The following REL variants were observed in gnomAD, a reference collection of about 807,000 sequenced individuals.
The protein encoded by REL is REL proto-oncogene, NF-kB subunit, also known as proto-oncogene c-Rel.
In REL, 15 loss-of-function variants were observed where a neutral mutation model predicts 45.9. The observed-to-expected ratio is 0.33, with a 90% CI of 0.22 to 0.50. REL has a LOEUF of 0.50. REL is among the 20% of genes least tolerant of loss of function. REL has a pLI of 0.98. For synonymous variants in REL, 239 were observed against 242.1 expected (o/e 0.99, Z 0.12); for missense variants, 601 against 715.2 (o/e 0.84, Z 1.82).
At position 60,924,750 on chromosome 2, in the gene REL, T is replaced by C. The variant is rs1674229413; in HGVS notation, c.*2215T>C. ...ACATTTCCTTTTCAAAGTGCAAGATTTTTAAAAGAGACTTGTCACATATTC... is the reference window on the plus strand; with the variant it reads ...ACATTTCCTTTTCAAAGTGCAAGATCTTTAAAAGAGACTTGTCACATATTC... On this transcript the variant is annotated 3_prime_UTR_variant, in exon 10 of 10. Transcript: ENST00000394479. 4.8e-6 allele frequency: 1 copy of C among 209,078 alleles called. No individual in the cohort carries two copies. Among genetic ancestry groups the C allele is most frequent in the Non-Finnish European group, 9.8e-6 (1 of 102,538 alleles). The allele number at this position is 209,078 out of a possible 1,614,324, so 13.0% of individuals were successfully genotyped here.
intron 7 of REL, 143 bp from the exon 8 acceptor site, chr2:60,919,898 A>G (rs1177449684): frequency 3.6e-6 from 2 of 555,198 alleles, no homozygotes; most frequent in South Asian, 5.5e-5. Flanking sequence ...GATTTGGGAC[A>G]TATTCTATAA....
At chr2:60,920,145 G>C (rs1407992916) in intron 8 of REL, 36 bp downstream of exon 8, 2 of 1,404,500 alleles carry the variant, frequency 1.4e-6, no homozygotes, top group South Asian at 2.5e-5. Flanking sequence ...ATTTAAATAG[G>C]TTTTGTTTTA....
chr2:60,907,583 C>G (rs1673696097), intron 4 of REL, among the ~76,000 whole-genome samples: 1 of 151,986 alleles, frequency 6.6e-6, no homozygotes, highest in Non-Finnish European at 1.5e-5. Context: ...GCAGTGAGCC[C>G]AGATTGTGCC....
intron 1 of REL, among the ~76,000 whole-genome samples, chr2:60,882,679 TAA>T (rs575989821): frequency 1.4e-5 from 2 of 143,582 alleles, no homozygotes; most frequent in African/African-American, 5.1e-5. Flanking sequence ...TGTCTCTATT[TAA>T]AAAAAAAAAA....
At position 60,881,645 on chromosome 2, in the gene REL, G is replaced by T; in HGVS notation, c.-196G>T. 1 of 524,744 alleles carries T rather than the reference G, an allele frequency of 1.9e-6. No homozygotes were observed. The highest frequency in any genetic ancestry group is 3.4e-6 in the Non-Finnish European group (1 of 296,256). 32.5% of individuals were successfully genotyped at this position (524,744 alleles called of 1,614,324 possible). A position where few individuals can be genotyped will look rare whatever the true frequency, so the allele number is the denominator to read the frequency against. ...GGACGGCGACGCTGGGTGACCCGGG[G>T]TGCAAGAATTCAGGGGTTGGGAAGG... On this transcript the variant is annotated 5_prime_UTR_variant, in exon 1 of 10. Transcript: ENST00000394479.
rs1294164703 is a variant in REL at position 60,916,986 on chromosome 2, T to C, written c.504T>C (p.Pro168=). Residue 168 remains proline (P), a synonymous_variant, in exon 5 of 10, where the codon CCT becomes CCC. Coordinates refer to ENST00000394479, the MANE Select transcript of REL (RefSeq NM_001291746.2). ...ATGGTAATTTGACGACTGCTCTTCC[T>C]CCTGTTGTCTCGAACCCAATTTATG... ...DEHGNLTTAL[P]PVVSNPIYDN... The C allele has an allele frequency of 6.2e-7, 1 of 1,613,362 alleles. No homozygotes were observed. The highest frequency in any genetic ancestry group is 1.1e-5 in the South Asian group (1 of 91,006).
In REL at chr2:60,904,341, G is replaced by A. The variant is rs372535258; in HGVS notation, c.394+3258G>A. Among the ~76,000 whole-genome samples, 179 of 151,732 alleles carry A rather than the reference G, an allele frequency of 1.2e-3. 1 individual carries two copies. The highest frequency in any genetic ancestry group is 4.2e-3 in the African/African-American group (172 of 41,358). On this transcript the variant is annotated intron_variant, in intron 4 of 9. Coordinates refer to ENST00000394479, the MANE Select transcript of REL (RefSeq NM_001291746.2). ...CGCTTGAACCCAGGAGGTGGAGGTTGCAGTAAGCCAAGATTGCTCCACTGC... is the reference window on the plus strand; with the variant it reads ...CGCTTGAACCCAGGAGGTGGAGGTTACAGTAAGCCAAGATTGCTCCACTGC...
chr2:60,893,366 A>G (rs1369178468), intron 2 of REL, among the ~76,000 whole-genome samples: 1 of 152,172 alleles, frequency 6.6e-6, no homozygotes, highest in Non-Finnish European at 1.5e-5. Flanking sequence ...TGGCAGTAAT[A>G]TGGATTTGGG....
At chr2:60,894,943 A>T (rs193144295) in intron 3 of REL, among the ~76,000 whole-genome samples, 4 of 134,168 alleles carry the variant, frequency 3.0e-5, no homozygotes, top group African/African-American at 8.7e-5. Flanking sequence ...TGCAACCTCC[A>T]CCTCCTGGGT....
chr2:60,892,424 A>T (rs566183336), intron 2 of REL, among the ~76,000 whole-genome samples: 18 of 152,252 alleles, frequency 1.2e-4, no homozygotes, highest in African/African-American at 4.3e-4. Context: ...GATGTACTAA[A>T]TTTATTTATT....
At chr2:60,911,228 A>G (rs1673804284) in intron 4 of REL, 6 of 152,204 alleles carry the variant, frequency 3.9e-5, no homozygotes, top group Non-Finnish European at 5.9e-5. Flanking sequence ...AAATAAAACT[A>G]TAATTATTTG....
intron 7 of REL, among the ~76,000 whole-genome samples, chr2:60,918,870 A>G (rs1414933911): frequency 6.6e-6 from 1 of 152,024 alleles, no homozygotes; most frequent in African/African-American, 2.4e-5. Flanking sequence ...AGCTCACTGT[A>G]ACCTCCTCCT....
chr2:60,906,907 A>ATTTTTTT (rs1232607239), intron 4 of REL, among the ~76,000 whole-genome samples: 1 of 96,422 alleles, frequency 1.0e-5, no homozygotes, highest in Non-Finnish European at 2.2e-5. Context: ...ATATATATAT[A>ATTTTTTT]TATATATTTT....
At position 60,881,640 on chromosome 2, in the gene REL, C is replaced by T. The variant is rs1482422037; in HGVS notation, c.-201C>T. ...ACGGTGGACGGCGACGCTGGGTGAC[C>T]CGGGGTGCAAGAATTCAGGGGTTGG... On this transcript the variant is annotated 5_prime_UTR_variant, in exon 1 of 10. Transcript: ENST00000394479. 5.7e-6 allele frequency: 3 copies of T among 522,910 alleles called. No individual in the cohort carries two copies. The highest frequency in any genetic ancestry group is 1.0e-5 in the Non-Finnish European group (3 of 295,234). The allele number at this position is 522,910 out of a possible 1,614,324, so 32.4% of individuals were successfully genotyped here. A position where few individuals can be genotyped will look rare whatever the true frequency, so the allele number is the denominator to read the frequency against.
intron 1 of REL, among the ~76,000 whole-genome samples, chr2:60,883,379 ACT>A (rs1672996863): frequency 6.6e-6 from 1 of 152,210 alleles, no homozygotes; most frequent in Non-Finnish European, 1.5e-5. Flanking sequence ...TTGTGAGAAT[ACT>A]AAGTGTAGTT....
rs1573352091 is a variant in REL, at chr2:60,925,478, G to A, written c.*2943G>A. ...TTTCTGTATTATAAATTTTTCATGA[G>A]CAGCCATTATGAAATCTCACAAGAA... On this transcript the variant is annotated 3_prime_UTR_variant, in exon 10 of 10. Coordinates refer to ENST00000394479, the MANE Select transcript of REL (RefSeq NM_001291746.2). The A allele has an allele frequency of 1.1e-5, 2 of 181,926 alleles. No homozygotes were observed. The highest frequency in any genetic ancestry group is 2.3e-5 in the Non-Finnish European group (2 of 85,528). The allele number at this position is 181,926 out of a possible 1,614,324, so 11.3% of individuals were successfully genotyped here. A position where few individuals can be genotyped will look rare whatever the true frequency, so the allele number is the denominator to read the frequency against.
intron 4 of REL, among the ~76,000 whole-genome samples, chr2:60,912,815 G>A (rs1673856411): frequency 6.6e-6 from 1 of 151,912 alleles, no homozygotes; most frequent in African/African-American, 2.4e-5. Context: ...CGACTTTAGT[G>A]TATGACAGAG....
rs1674373856 is a variant in REL, at chr2:60,931,060, GT to G, written c.*8526del. The G allele has an allele frequency of 6.6e-6, 1 of 152,294 alleles. No individual in the cohort carries two copies. Among genetic ancestry groups the G allele is most frequent in the Admixed American group, 6.5e-5 (1 of 15,286 alleles). 9.4% of individuals were successfully genotyped at this position (152,294 alleles called of 1,614,324 possible). On this transcript the variant is annotated 3_prime_UTR_variant, in exon 10 of 10. Coordinates refer to ENST00000394479, the MANE Select transcript of REL (RefSeq NM_001291746.2). ...AATCAAACATAGTTTTCCATAAGATGTAATAAAATATAGATAAGGTTGGAAT... is the reference window on the plus strand; with the variant it reads ...AATCAAACATAGTTTTCCATAAGATGAATAAAATATAGATAAGGTTGGAAT...
chr2:60,896,626 A>G lies in REL; in HGVS notation c.302+2081A>G, dbSNP rs2103937771. On this transcript the variant is annotated intron_variant, in intron 3 of 9. Transcript: ENST00000394479. ...CTCTTACAATAATAACACAAAAGAA[A>G]ATATCTAGTATTATACACACTTGGC... Among the ~76,000 whole-genome samples, 9 of 152,338 alleles carry G rather than the reference A, an allele frequency of 5.9e-5. No individual in the cohort carries two copies. The Middle Eastern group carries it at 0.027, about 461-fold the overall frequency.
Sources: allele counts gnomAD v4.1 joint callset (sites outside exome capture counted in the v4.1 genomes callset), GRCh38; gene constraint gnomAD v4.1.1; transcripts MANE v1.5; gene names NCBI Gene and HGNC (gene_info 2026-07-23, HGNC 2026-07-21).